The following NFIA variants were observed in gnomAD, a reference collection of about 807,000 sequenced individuals.
NFIA encodes nuclear factor 1 A-type.
Under a neutral mutation model 62.8 loss-of-function variants are expected in NFIA, and 8 were observed. That is an observed-to-expected ratio of 0.13 (90% CI 0.07 to 0.23). The LOEUF (loss-of-function observed/expected upper bound fraction) is 0.23. Ranked by LOEUF, NFIA falls within the 10% of genes least tolerant of loss-of-function variation. The pLI, the probability that NFIA is intolerant of heterozygous loss-of-function variation, is 1.00. For synonymous variants in NFIA, 235 were observed against 238.1 expected, an observed-to-expected ratio of 0.99 and a Z score of 0.12; for missense variants, 410 against 642.1, an observed-to-expected ratio of 0.64 and a Z score of 3.91.
intron 2 of NFIA, among the ~76,000 whole-genome samples, chr1:61,117,256 C>G (rs916477597): frequency 1.8e-4 from 27 of 152,204 alleles, no homozygotes; most frequent in African/African-American, 6.3e-4. Flanking sequence ...TAGTGGACTT[C>G]TGGTGAAATT....
At position 61,404,134 on chromosome 1, in the gene NFIA, A is replaced by G. The variant is rs948556575; in HGVS notation, c.1106A>G (p.His369Arg). ...CCGCATGCAACACCATCGACTCTTC[A>G]TTTCCCGACATCACCCATTATCCAG... ...ASPHATPSTL[H>R]FPTSPIIQQP... Residue 369 changes from histidine (H) to arginine (R), a missense_variant, in exon 8 of 11, where the codon CAT (histidine) becomes CGT (arginine). His to Arg is a conservative substitution (Grantham distance 29, BLOSUM62 0). Transcript: ENST00000403491. 1.9e-6 allele frequency: 3 copies of G among 1,614,042 alleles called. No homozygotes were observed. Among genetic ancestry groups the G allele is most frequent in the Non-Finnish European group, 2.5e-6 (3 of 1,180,006 alleles).
intron 8 of NFIA, among the ~76,000 whole-genome samples, chr1:61,405,453 A>G (rs1330208282): frequency 1.3e-5 from 2 of 152,206 alleles, no homozygotes; most frequent in Non-Finnish European, 2.9e-5. Context: ...ATATAAGTAA[A>G]TGTTGATGGG....
chr1:61,209,283 CG>C (rs1207420704), intron 2 of NFIA, among the ~76,000 whole-genome samples: 6 of 151,982 alleles, frequency 3.9e-5, no homozygotes, highest in Admixed American at 3.3e-4. Flanking sequence ...TGTAAAAAGC[CG>C]TCGTGTGTAT....
chr1:61,128,680 A>G (rs1647018330), intron 2 of NFIA, among the ~76,000 whole-genome samples: 1 of 152,098 alleles, frequency 6.6e-6, no homozygotes, highest in Non-Finnish European at 1.5e-5. Flanking sequence ...CCCCGATCAC[A>G]TGTTGTTGTT....
rs1656266281 is a variant in NFIA at position 61,254,713 on chromosome 1, A to G, written c.560-22807A>G. Among the ~76,000 whole-genome samples, 2 of 152,198 alleles carry G rather than the reference A, an allele frequency of 1.3e-5. 1 individual carries two copies. The highest frequency in any genetic ancestry group is 4.1e-4 in the South Asian group (2 of 4,832). ...TCCCAGAATTGGGGTCAGCAACACC[A>G]TTTTATATTTTGGCAAATGCTACCC... On this transcript the variant is annotated intron_variant, in intron 2 of 10. Transcript: ENST00000403491.
In NFIA at chr1:61,212,953, A is replaced by G. The variant is rs900817619; in HGVS notation, c.560-64567A>G. Reference sequence around the variant, plus strand: ...GCCTTCACACTGTGGCCTGGTCACCATTAGTGGTCTGGCAGAGATATCTGA... The same window carrying G: ...GCCTTCACACTGTGGCCTGGTCACCGTTAGTGGTCTGGCAGAGATATCTGA... On this transcript the variant is annotated intron_variant, in intron 2 of 10. Transcript: ENST00000403491. Among the ~76,000 whole-genome samples the G allele has an allele frequency of 2.0e-5, 3 of 152,200 alleles. 1 individual carries two copies. Among genetic ancestry groups the G allele is most frequent in the Admixed American group, 1.3e-4 (2 of 15,284 alleles).
At chr1:61,442,775 A>G (rs1667643202) in intron 10 of NFIA, among the ~76,000 whole-genome samples, 1 of 152,214 alleles carries the variant, frequency 6.6e-6, no homozygotes, top group Non-Finnish European at 1.5e-5. Flanking sequence ...CTCTTATGCA[A>G]ATTATCTTCT....
intron 2 of NFIA, among the ~76,000 whole-genome samples, chr1:61,097,825 G>A (rs750743857): frequency 2.0e-5 from 3 of 152,156 alleles, no homozygotes; most frequent in Non-Finnish European, 2.9e-5. Context: ...TGTACATACA[G>A]GGTCCCATCA....
intron 4 of NFIA, among the ~76,000 whole-genome samples, chr1:61,340,018 T>C (rs1661814854): frequency 6.6e-6 from 1 of 152,246 alleles, no homozygotes; most frequent in South Asian, 2.1e-4. Flanking sequence ...GTCACTGCTC[T>C]GCATGAAGGT....
At chr1:61,095,968 A>G (rs1220305898) in intron 2 of NFIA, among the ~76,000 whole-genome samples, 1 of 152,066 alleles carries the variant, frequency 6.6e-6, no homozygotes, top group African/African-American at 2.4e-5. Flanking sequence ...TTACAGACAG[A>G]GAAATATATA....
At chr1:61,257,013 GTTTT>G (rs968429444) in intron 2 of NFIA, among the ~76,000 whole-genome samples, 2 of 152,056 alleles carry the variant, frequency 1.3e-5, no homozygotes, top group Non-Finnish European at 2.9e-5. Flanking sequence ...TACCAGTTGG[GTTTT>G]TTGTTTTGTT....
chr1:61,167,995 A>G (rs1479957709), intron 2 of NFIA, among the ~76,000 whole-genome samples: 1 of 152,210 alleles, frequency 6.6e-6, no homozygotes, highest in East Asian at 1.9e-4. Context: ...GATACCTTGC[A>G]TGTACATGAT....
At chr1:61,147,160 T>G (rs1392855559) in intron 2 of NFIA, among the ~76,000 whole-genome samples, 1 of 152,154 alleles carries the variant, frequency 6.6e-6, no homozygotes, top group African/African-American at 2.4e-5. Flanking sequence ...TAAATCTTTT[T>G]TTTTTTTTGA....
intron 2 of NFIA, among the ~76,000 whole-genome samples, chr1:61,089,056 A>G (rs952890128): frequency 1.1e-4 from 17 of 152,184 alleles, no homozygotes; most frequent in Non-Finnish European, 1.8e-4. Context: ...TTGAGGCAAT[A>G]TTTTTAGTTG....
At chr1:61,315,458 C>T (rs1381926086) in intron 3 of NFIA, among the ~76,000 whole-genome samples, 2 of 152,174 alleles carry the variant, frequency 1.3e-5, no homozygotes, top group African/African-American at 2.4e-5. Flanking sequence ...GAGATTTGAT[C>T]GATTTTCTGA....
intron 2 of NFIA, among the ~76,000 whole-genome samples, chr1:61,159,307 G>A (rs1288830321): frequency 6.6e-6 from 1 of 152,120 alleles, no homozygotes; most frequent in Non-Finnish European, 1.5e-5. Flanking sequence ...AAAAAAAGAG[G>A]CAAGAGAAAG....
At chr1:61,274,250 C>G (rs928184516) in intron 2 of NFIA, among the ~76,000 whole-genome samples, 1 of 152,142 alleles carries the variant, frequency 6.6e-6, no homozygotes, top group African/African-American at 2.4e-5. Context: ...CATATGCAAA[C>G]CCTGTCTATT....
chr1:61,162,478 G>A lies in NFIA; in HGVS notation c.559+73798G>A, dbSNP rs143203905. On this transcript the variant is annotated intron_variant, in intron 2 of 10. Transcript: ENST00000403491. ...GCCACATGCTTACCTGGGGTCTTGAGTCTTGGGAAGGCTGTGTTCTTTTAC... is the reference window on the plus strand; with the variant it reads ...GCCACATGCTTACCTGGGGTCTTGAATCTTGGGAAGGCTGTGTTCTTTTAC... 9.1e-3 allele frequency among the ~76,000 whole-genome samples: 1,383 copies of A among 152,312 alleles called. 17 individuals carry two copies. The highest frequency in any genetic ancestry group is 0.061 in the Middle Eastern group (18 of 294).
At chr1:61,387,483 T>TGTTTTG (rs1280145236) in intron 7 of NFIA, among the ~76,000 whole-genome samples, 53 of 145,984 alleles carry the variant, frequency 3.6e-4, no homozygotes, top group Non-Finnish European at 5.7e-4. Context: ...TTTTTTTTTT[T>TGTTTTG]TTTTTTTTGA....
Sources: allele counts gnomAD v4.1 joint callset (sites outside exome capture counted in the v4.1 genomes callset), GRCh38; gene constraint gnomAD v4.1.1; transcripts MANE v1.5; gene names NCBI Gene and HGNC (gene_info 2026-07-23, HGNC 2026-07-21).